Variants in FGF10 observed in about 807,000 individuals in gnomAD.
The protein encoded by FGF10 is FGF-10.
FGF10 carries 2 observed loss-of-function variants against 19.8 expected under a neutral mutation model. The ratio of observed to expected loss-of-function variants is 0.10; its 90% CI spans 0.04 to 0.32. FGF10 has a LOEUF of 0.32. Ranked by LOEUF, FGF10 falls within the 10% of genes least tolerant of loss-of-function variation. The pLI is 1.00. For missense variants in FGF10, 191 were observed against 246.3 expected (o/e 0.78, Z 1.50); for synonymous variants, 112 against 94.0 (o/e 1.19, Z -1.10).
chr5:44,336,811 G>C (rs1044774102), intron 1 of FGF10, among the ~76,000 whole-genome samples: 2 of 152,094 alleles, frequency 1.3e-5, no homozygotes, highest in Non-Finnish European at 2.9e-5. Context: ...TCCTTGTTTT[G>C]CATATTTCAG....
At chr5:44,357,051 TA>T (rs1190423842) in intron 1 of FGF10, among the ~76,000 whole-genome samples, 1 of 151,212 alleles carries the variant, frequency 6.6e-6, no homozygotes, top group Non-Finnish European at 1.5e-5. Context: ...ACAAAAAAAA[TA>T]TGTATGTGTA....
At chr5:44,388,044 AG>A (rs1316219523) in intron 1 of FGF10, among the ~76,000 whole-genome samples, 1 of 150,438 alleles carries the variant, frequency 6.6e-6, no homozygotes, top group Non-Finnish European at 1.5e-5. Context: ...GGAGAGAGAA[AG>A]GGGCATCTTT....
intron 1 of FGF10, among the ~76,000 whole-genome samples, chr5:44,351,632 G>A (rs574752830): frequency 4.0e-5 from 6 of 151,696 alleles, no homozygotes; most frequent in South Asian, 4.2e-4. Context: ...CAGTCCCATC[G>A]TTGGAATCTT....
chr5:44,320,853 C>A (rs942312354), intron 1 of FGF10, among the ~76,000 whole-genome samples: 5 of 151,978 alleles, frequency 3.3e-5, no homozygotes, highest in Non-Finnish European at 5.9e-5. Flanking sequence ...TAGCTGGAAC[C>A]ACAGGCATGT....
At chr5:44,333,600 T>C (rs539373124) in intron 1 of FGF10, among the ~76,000 whole-genome samples, 47 of 152,284 alleles carry the variant, frequency 3.1e-4, no homozygotes, top group Non-Finnish European at 5.3e-4. Flanking sequence ...ATAAGGAAGC[T>C]GAAACTAAAA....
chr5:44,349,449 T>TATATATATATATATATATATCAGA (rs1291054782), intron 1 of FGF10, among the ~76,000 whole-genome samples: 3 of 15,784 alleles, frequency 1.9e-4, no homozygotes, highest in African/African-American at 5.5e-4. Flanking sequence ...TATATATATA[T>TATATATATATATATATATATCAGA]ATATATATAT....
At chr5:44,376,318 A>G (rs2111899639) in intron 1 of FGF10, among the ~76,000 whole-genome samples, 1 of 152,054 alleles carries the variant, frequency 6.6e-6, no homozygotes, top group Non-Finnish European at 1.5e-5. Context: ...TCAAGAGCTC[A>G]TAGTGTCAGT....
intron 2 of FGF10, 134 bp from the exon 3 acceptor site, chr5:44,305,326 A>T: frequency 1.4e-6 from 1 of 727,600 alleles, no homozygotes. Context: ...TGCACTTAAT[A>T]CATAATGTCA....
rs1272510860 is a variant in FGF10, at chr5:44,300,998, A to G, written c.*3997T>C. On this transcript the variant is annotated 3_prime_UTR_variant, in exon 3 of 3. Transcript: ENST00000264664. ...AATCTGGCCTAACCAAATAAAACCA[A>G]TGAAGGGTAACAGAAAATGAATGTC... is the stretch of plus-strand genomic sequence containing the variant. Among the ~76,000 whole-genome samples, 1 of 152,130 alleles carries G rather than the reference A, an allele frequency of 6.6e-6. No homozygotes were observed. The highest frequency in any genetic ancestry group is 1.5e-5 in the Non-Finnish European group (1 of 68,026).
At chr5:44,376,603 A>G (rs1364781613) in intron 1 of FGF10, among the ~76,000 whole-genome samples, 3 of 150,660 alleles carry the variant, frequency 2.0e-5, no homozygotes, top group Non-Finnish European at 4.4e-5. Flanking sequence ...ACCTCTTCAC[A>G]GTGAAATATA....
chr5:44,372,349 CCT>C (rs1482269742), intron 1 of FGF10, among the ~76,000 whole-genome samples: 12 of 152,104 alleles, frequency 7.9e-5, no homozygotes, highest in Non-Finnish European at 1.5e-4. Flanking sequence ...ATCTAATCTC[CCT>C]CTGCTTCTCT....
intron 1 of FGF10, among the ~76,000 whole-genome samples, chr5:44,330,200 G>A (rs1316580681): frequency 6.6e-6 from 1 of 152,158 alleles, no homozygotes; most frequent in African/African-American, 2.4e-5. Flanking sequence ...AAGGTGCAAG[G>A]AGACAGTGGC....
chr5:44,372,804 G>T (rs1038289678), intron 1 of FGF10, among the ~76,000 whole-genome samples: 3 of 152,160 alleles, frequency 2.0e-5, no homozygotes, highest in Non-Finnish European at 4.4e-5. Context: ...AGAAGTCACT[G>T]GTCCCAAGCA....
chr5:44,378,168 G>C (rs1274659708), intron 1 of FGF10, among the ~76,000 whole-genome samples: 1 of 152,140 alleles, frequency 6.6e-6, no homozygotes, highest in Non-Finnish European at 1.5e-5. Context: ...GGATGGGAGG[G>C]TCTTTTTTCC....
chr5:44,389,279 TG>T lies in FGF10; in HGVS notation c.-598del. On this transcript the variant is annotated 5_prime_UTR_variant, in exon 1 of 3. Coordinates refer to ENST00000264664, the MANE Select transcript of FGF10 (RefSeq NM_004465.2). ...TCCCTCTCTTCCTTTCTGTTTTTAGTGGTGCCTGCCGATTTGAAGGCTGCCG... is the reference window on the plus strand; with the variant it reads ...TCCCTCTCTTCCTTTCTGTTTTTAGTGTGCCTGCCGATTTGAAGGCTGCCG... 6.3e-6 allele frequency: 1 copy of T among 158,816 alleles called. No individual in the cohort carries two copies. The highest frequency in any genetic ancestry group is 6.0e-5 in the Admixed American group (1 of 16,644). The allele number at this position is 158,816 out of a possible 1,614,324, so 9.8% of individuals were successfully genotyped here. A position where few individuals can be genotyped will look rare whatever the true frequency, so the allele number is the denominator to read the frequency against.
chr5:44,320,755 G>A (rs1487651071), intron 1 of FGF10, among the ~76,000 whole-genome samples: 1 of 150,922 alleles, frequency 6.6e-6, no homozygotes, highest in African/African-American at 2.4e-5. Context: ...TTTTGAGGTA[G>A]GGTCTCACTC....
chr5:44,332,280 T>C (rs1021885795), intron 1 of FGF10, among the ~76,000 whole-genome samples: 3 of 152,076 alleles, frequency 2.0e-5, no homozygotes, highest in African/African-American at 7.2e-5. Context: ...GTTGCCCCAG[T>C]GAGTATCAAA....
At chr5:44,311,155 C>A (rs1175535802) in intron 1 of FGF10, among the ~76,000 whole-genome samples, 2 of 151,894 alleles carry the variant, frequency 1.3e-5, no homozygotes, top group Middle Eastern at 3.4e-3. Context: ...GGGGGAAAAT[C>A]CATAAACATG....
intron 1 of FGF10, among the ~76,000 whole-genome samples, chr5:44,336,401 T>G (rs1403094315): frequency 6.6e-6 from 1 of 152,194 alleles, no homozygotes; most frequent in Non-Finnish European, 1.5e-5. Context: ...TATTCAGAGA[T>G]AATCAGTTTC....
Sources: allele counts gnomAD v4.1 joint callset (sites outside exome capture counted in the v4.1 genomes callset), GRCh38; gene constraint gnomAD v4.1.1; transcripts MANE v1.5; gene names NCBI Gene and HGNC (gene_info 2026-07-23, HGNC 2026-07-21).